LPCAT3: variants seen among roughly 807,000 people sequenced by gnomAD.
The protein encoded by LPCAT3 is lysophospholipid acyltransferase 5.
LPCAT3 carries 21 observed loss-of-function variants against 63.4 expected under a neutral mutation model. That is an observed-to-expected ratio of 0.33 (90% CI 0.23 to 0.48). The LOEUF is 0.48. LPCAT3 is among the 20% of genes least tolerant of loss of function. The pLI is 0.99. For synonymous variants in LPCAT3, 242 were observed against 227.5 expected, an observed-to-expected ratio of 1.06 and a Z score of -0.58; for missense variants, 451 against 590.6, an observed-to-expected ratio of 0.76 and a Z score of 2.45.
chr12:7,002,667 C>G (rs1264225556), intron 1 of LPCAT3, among the ~76,000 whole-genome samples: 2 of 152,178 alleles, frequency 1.3e-5, no homozygotes, highest in African/African-American at 4.8e-5. Context: ...GTTGGGTTCT[C>G]TCACCCTTTT....
chr12:6,979,982 G>A (rs1555153862), intron 6 of LPCAT3: 1 of 167,194 alleles, frequency 6.0e-6, no homozygotes, highest in African/African-American at 2.4e-5. Context: ...AACACAGGAT[G>A]GACAAGTTCT....
chr12:7,003,263 A>C (rs1020818385), intron 1 of LPCAT3, among the ~76,000 whole-genome samples: 3 of 152,108 alleles, frequency 2.0e-5, no homozygotes, highest in Non-Finnish European at 4.4e-5. Context: ...GTGATCTTAA[A>C]ATGTCTTATC....
chr12:6,977,794 A>T lies in LPCAT3; in HGVS notation c.1041-49T>A, dbSNP rs782581186. 32 of 1,608,840 alleles carry T rather than the reference A, an allele frequency of 2.0e-5. No homozygotes were observed. The highest frequency in any genetic ancestry group is 1.6e-4 in the African/African-American group (12 of 74,860). ...GACCCTCAAACTGACTGGTCCTTGCATCCCGCCACCTGCCTCTGGGTCCTC... is the reference window on the plus strand; with the variant it reads ...GACCCTCAAACTGACTGGTCCTTGCTTCCCGCCACCTGCCTCTGGGTCCTC... On this transcript the variant is annotated intron_variant, in intron 9 of 12. Coordinates refer to ENST00000261407, the MANE Select transcript of LPCAT3 (RefSeq NM_005768.6). The surrounding 1 kb of genome is among the most constrained non-coding windows in gnomAD (Gnocchi z 4.5).
At chr12:7,015,093 G>T (rs1000343388) in intron 1 of LPCAT3, among the ~76,000 whole-genome samples, 1 of 152,080 alleles carries the variant, frequency 6.6e-6, no homozygotes, top group African/African-American at 2.4e-5. Flanking sequence ...TCTTACGATG[G>T]ATCTTAGTCA....
At chr12:6,986,738 G>A (rs1459407853) in intron 1 of LPCAT3, among the ~76,000 whole-genome samples, 1 of 145,586 alleles carries the variant, frequency 6.9e-6, no homozygotes, top group Non-Finnish European at 1.5e-5. Context: ...AGCAGAGATT[G>A]CAGTGAGCAG....
At chr12:7,002,333 AT>A (rs1591555564) in intron 1 of LPCAT3, among the ~76,000 whole-genome samples, 1 of 152,064 alleles carries the variant, frequency 6.6e-6, no homozygotes, top group African/African-American at 2.4e-5. Context: ...TTCCCACTTC[AT>A]TTGTGGCACT....
At position 6,978,321 on chromosome 12, in the gene LPCAT3, G is replaced by A. The variant is rs1555153580; in HGVS notation, c.1040+20C>T. On this transcript the variant is annotated intron_variant, in intron 9 of 12. Transcript: ENST00000261407. ...GTGGAAGGAAGGAACCAGGGTCCAG[G>A]CTCCCCACCAGCAGCTCACCGGGCC... The A allele has an allele frequency of 6.3e-7, 1 of 1,594,550 alleles. No individual in the cohort carries two copies. Among genetic ancestry groups the A allele is most frequent in the African/African-American group, 1.3e-5 (1 of 74,518 alleles).
intron 5 of LPCAT3, 77 bp downstream of exon 5, chr12:6,981,518 G>T (rs1442730790): frequency 6.9e-7 from 1 of 1,451,480 alleles, no homozygotes; most frequent in Non-Finnish European, 9.7e-7. Flanking sequence ...TGGAATTTGG[G>T]TTCAGTCTTT....
At chr12:6,979,820 C>T in intron 6 of LPCAT3, 1 of 542,370 alleles carries the variant, frequency 1.8e-6, no homozygotes. Context: ...GACAGTGGAC[C>T]AGTCTTGTGT....
At position 6,978,389 on chromosome 12, in the gene LPCAT3, G is replaced by A. The variant is rs200922476; in HGVS notation, c.992C>T (p.Thr331Ile). ...GATGTTGAATGAGGCAATGGTGCCA[G>A]TGAAGCGGGGGTTTGTTTCAAAGAG... ...VWLFETNPRF[T>I]GTIASFNINT... Residue 331 changes from threonine (T) to isoleucine (I), a missense_variant, in exon 9 of 13, where the codon ACT becomes ATT. By Grantham distance (89) the Thr-to-Ile change is moderately conservative. Coordinates refer to ENST00000261407, the MANE Select transcript of LPCAT3 (RefSeq NM_005768.6). 1.4e-4 allele frequency: 224 copies of A among 1,613,808 alleles called. 1 individual carries two copies. The highest frequency in any genetic ancestry group is 1.8e-4 in the Non-Finnish European group (218 of 1,179,960).
chr12:6,977,562 C>A lies in LPCAT3; in HGVS notation c.1188+36G>T. 1 of 1,614,140 alleles carries A rather than the reference C, an allele frequency of 6.2e-7. No homozygotes were observed. The highest frequency in any genetic ancestry group is 8.5e-7 in the Non-Finnish European group (1 of 1,180,010). ...GGAGGAGCTCATCAGCATCTTGTCC[C>A]TTATATTCCCCTTCACCCCCACCCT... On this transcript the variant is annotated intron_variant, in intron 10 of 12. Transcript: ENST00000261407. This position sits in a 1 kb window ranked among gnomAD's most constrained non-coding sequence, Gnocchi z 4.5.
In LPCAT3 at chr12:6,978,499, T is replaced by A. The variant is rs782002257; in HGVS notation, c.882A>T (p.Val294=). 2.5e-6 allele frequency: 4 copies of A among 1,613,050 alleles called. No individual in the cohort carries two copies. In the Admixed American group the frequency reaches 6.7e-5, roughly 27 times the overall value. ...YVTCWLVTEG[V]CILTGLGFNG... is the part of the protein sequence containing the mutation. The stretch of plus-strand genomic sequence containing the variant: ...TGAAGCCCAGGCCCGTCAAAATGCA[T>A]ACTCCTTCCTGAGAGGGAATAGCTC... Residue 294 remains valine (V), a synonymous_variant, in exon 9 of 13, where the codon GTA becomes GTT. Transcript: ENST00000261407.
At chr12:6,992,333 A>C (rs924552484) in intron 1 of LPCAT3, among the ~76,000 whole-genome samples, 5 of 152,054 alleles carry the variant, frequency 3.3e-5, no homozygotes, top group Non-Finnish European at 7.4e-5. Flanking sequence ...TCAAAAAAAA[A>C]AAACAAAAAA....
At chr12:7,009,029 C>T (rs1555157052) in intron 1 of LPCAT3, among the ~76,000 whole-genome samples, 1 of 152,108 alleles carries the variant, frequency 6.6e-6, no homozygotes, top group East Asian at 1.9e-4. Context: ...AAAAACTAAA[C>T]CATAAGGAAT....
At chr12:7,003,350 GT>G (rs1946702580) in intron 1 of LPCAT3, among the ~76,000 whole-genome samples, 1 of 150,332 alleles carries the variant, frequency 6.7e-6, no homozygotes, top group Admixed American at 6.6e-5. Context: ...TGCTTTGGGA[GT>G]AGGGTGAGTT....
intron 1 of LPCAT3, among the ~76,000 whole-genome samples, chr12:6,993,331 G>A (rs782742599): frequency 6.6e-6 from 1 of 152,164 alleles, no homozygotes; most frequent in East Asian, 1.9e-4. Flanking sequence ...CTACTCAGGA[G>A]GCTGAGGGAG....
intron 1 of LPCAT3, among the ~76,000 whole-genome samples, chr12:6,986,795 CAAAAAAAAAA>C (rs1157395768): frequency 4.3e-3 from 145 of 33,920 alleles, no homozygotes; most frequent in Non-Finnish European, 7.4e-3. Flanking sequence ...GACTCTGTCT[CAAAAAAAAAA>C]AAAAAAAAAA....
At chr12:6,980,683 GCCTA>G (rs1297908375) in intron 6 of LPCAT3, 1 of 174,458 alleles carries the variant, frequency 5.7e-6, no homozygotes, top group African/African-American at 2.4e-5. Flanking sequence ...CTATCAACCT[GCCTA>G]CCTACCTATC....
chr12:6,985,352 C>T (rs1376811578), intron 1 of LPCAT3, among the ~76,000 whole-genome samples: 1 of 148,592 alleles, frequency 6.7e-6, no homozygotes, highest in African/African-American at 2.5e-5. Flanking sequence ...GCTGAGATGG[C>T]ACCACTGCAC....
Sources: gnomAD v4.1 joint callset for allele counts (sites outside exome capture counted in the v4.1 genomes callset) on GRCh38, gnomAD v4.1.1 for gene constraint, Gnocchi (gnomAD v3.1) non-coding constraint, MANE v1.5 for transcripts, NCBI Gene and HGNC (gene_info 2026-07-23, HGNC 2026-07-21) for gene names.